BPTF: variants seen among roughly 807,000 people sequenced by gnomAD.
BPTF encodes nucleosome-remodeling factor subunit BPTF.
In BPTF, 18 loss-of-function variants were observed where a neutral mutation model predicts 292.5. The observed-to-expected ratio is 0.06, with a 90% confidence interval of 0.04 to 0.09. The LOEUF (loss-of-function observed/expected upper bound fraction) is 0.09, where lower values mean the gene tolerates loss of function less well. Ranked by LOEUF, BPTF falls within the 10% of genes least tolerant of loss-of-function variation. BPTF has a pLI of 1.00. For synonymous variants in BPTF, 1,225 were observed against 1,251.9 expected, an observed-to-expected ratio of 0.98 and a Z score of 0.45; for missense variants, 2,726 against 3,498.7, an observed-to-expected ratio of 0.78 and a Z score of 5.57.
intron 2 of BPTF, among the ~76,000 whole-genome samples, chr17:67,855,375 A>G (rs2058629739): frequency 6.6e-6 from 1 of 152,152 alleles, no homozygotes; most frequent in Admixed American, 6.5e-5. Flanking sequence ...GTTCCTCTAT[A>G]GCCTAGCTCA....
intron 3 of BPTF, among the ~76,000 whole-genome samples, chr17:67,870,725 CTT>C (rs1266378518): frequency 7.1e-6 from 1 of 141,250 alleles, no homozygotes; most frequent in Admixed American, 7.1e-5. Context: ...TGTCTGATGA[CTT>C]TGACTTGATG....
intron 1 of BPTF, among the ~76,000 whole-genome samples, chr17:67,832,962 T>A (rs1247989528): frequency 6.9e-6 from 1 of 144,058 alleles, no homozygotes; most frequent in Admixed American, 6.7e-5. Context: ...TAATTTTTTG[T>A]ATTTTTTTTT....
intron 2 of BPTF, among the ~76,000 whole-genome samples, chr17:67,864,748 T>G (rs2059295220): frequency 6.6e-6 from 1 of 152,064 alleles, no homozygotes; most frequent in Admixed American, 6.6e-5. Flanking sequence ...ATCAGAAGTA[T>G]TATGGGCTTT....
intron 2 of BPTF, among the ~76,000 whole-genome samples, chr17:67,856,493 A>G (rs2145080330): frequency 6.6e-6 from 1 of 151,794 alleles, no homozygotes; most frequent in South Asian, 2.1e-4. Flanking sequence ...TTAATTCTTA[A>G]TTTTCTGCTC....
intron 18 of BPTF, among the ~76,000 whole-genome samples, chr17:67,937,371 C>T (rs1441173635): frequency 1.4e-5 from 2 of 141,170 alleles, no homozygotes; most frequent in African/African-American, 6.1e-5. Context: ...GCAGGAGAAT[C>T]GGACTTTGTC....
intron 23 of BPTF, among the ~76,000 whole-genome samples, chr17:67,948,915 A>G (rs534318637): frequency 6.6e-6 from 1 of 152,352 alleles, no homozygotes; most frequent in East Asian, 1.9e-4. Context: ...TGGCAGGTTG[A>G]AGCTGCAGTC....
intron 1 of BPTF, among the ~76,000 whole-genome samples, chr17:67,851,717 T>G (rs905306237): frequency 6.6e-6 from 1 of 152,176 alleles, no homozygotes; most frequent in South Asian, 2.1e-4. Flanking sequence ...ACCTTAAACT[T>G]GACAATCCTG....
Position 67,840,285 on chromosome 17 carries a change from T to G in BPTF, c.614-13655T>G, listed in dbSNP as rs1257172733. ...ACAGTTGGCTAATTTTTTATTTTTA[T>G]TTGTAGAGATAGGGTTTCATTATGT... On this transcript the variant is annotated intron_variant, in intron 1 of 27. Transcript: ENST00000306378. 2.0e-5 allele frequency among the ~76,000 whole-genome samples: 3 copies of G among 151,950 alleles called. 1 individual carries two copies. The East Asian group carries it at 5.8e-4, about 29-fold the overall frequency.
At chr17:67,949,514 G>A (rs1555677228) in intron 23 of BPTF, among the ~76,000 whole-genome samples, 1 of 151,882 alleles carries the variant, frequency 6.6e-6, no homozygotes, top group East Asian at 1.9e-4. Flanking sequence ...GGCAGAGGTT[G>A]CAGTGAGCTG....
intron 4 of BPTF, among the ~76,000 whole-genome samples, chr17:67,884,410 C>T (rs2060619823): frequency 7.2e-6 from 1 of 138,682 alleles, no homozygotes; most frequent in Non-Finnish European, 1.5e-5. Flanking sequence ...GCCACTACCC[C>T]TGGCCCCTCC....
intron 4 of BPTF, among the ~76,000 whole-genome samples, chr17:67,884,320 G>A (rs1004886639): frequency 2.2e-4 from 34 of 151,682 alleles, no homozygotes; most frequent in Admixed American, 5.9e-4. Context: ...TGGCCAGGCT[G>A]CTCTCGAATG....
Position 67,982,327 on chromosome 17 carries a change from T to C in BPTF, c.*39T>C. ...AACCTAACATAAAACACAGCAAGAA[T>C]CTGGTTGTCTGAACTATTTTAAATT... On this transcript the variant is annotated 3_prime_UTR_variant, in exon 28 of 28. Transcript: ENST00000306378. The C allele has an allele frequency of 6.4e-7, 1 of 1,567,638 alleles. No individual in the cohort carries two copies. Among genetic ancestry groups the C allele is most frequent in the South Asian group, 1.1e-5 (1 of 89,084 alleles).
Position 67,912,635 on chromosome 17 carries a change from T to C in BPTF, c.4751T>C (p.Val1584Ala). ...AATGGAGAATCTAAAAGAAAAACCG[T>C]CATCACAGAAGTCACCACGATGACC... ...NVNGESKRKT[V>A]ITEVTTMTST... is the part of the protein sequence containing the mutation. The change falls in exon 11 of 28, where the codon GTC (valine) becomes GCC (alanine). Residue 1584 changes from valine to alanine, a missense_variant. Val to Ala is a moderately conservative substitution (Grantham distance 64). Around this residue, in one of 22 missense-constraint regions of BPTF, gnomAD observed 144 missense variants for 177.2 expected, o/e 0.81. Transcript: ENST00000306378. The C allele has an allele frequency of 1.2e-6, 2 of 1,612,990 alleles. No homozygotes were observed. The highest frequency in any genetic ancestry group is 1.1e-5 in the South Asian group (1 of 90,796).
In BPTF at chr17:67,966,523, T is replaced by C. The variant is rs1351617146; in HGVS notation, c.8455-49T>C. ...TAGTAACTCAACCAGGAAACTTAAA[T>C]GGAATTAGTGTTTTCACTGACAATA... On this transcript the variant is annotated intron_variant, in intron 25 of 27. Coordinates refer to ENST00000306378, the MANE Select transcript of BPTF (RefSeq NM_182641.4). 4 of 1,541,498 alleles carry C rather than the reference T, an allele frequency of 2.6e-6. No homozygotes were observed. The African/African-American group carries it at 4.1e-5, about 16-fold the overall frequency.
rs185836858 is a variant in BPTF, at chr17:67,926,439, C to T, written c.5751+1850C>T. ...TCCCGGGTTCACGCCATTCTCCTGCCTCAGCCTCCCGAGTAACTGTGACTA... is the reference window on the plus strand; with the variant it reads ...TCCCGGGTTCACGCCATTCTCCTGCTTCAGCCTCCCGAGTAACTGTGACTA... On this transcript the variant is annotated intron_variant, in intron 15 of 27. Transcript: ENST00000306378. Among the ~76,000 whole-genome samples, 22 of 150,598 alleles carry T rather than the reference C, an allele frequency of 1.5e-4. No individual in the cohort carries two copies. In the East Asian group the frequency reaches 3.5e-3, roughly 24 times the overall value.
At chr17:67,937,271 C>G (rs1249070100) in intron 18 of BPTF, among the ~76,000 whole-genome samples, 2 of 151,620 alleles carry the variant, frequency 1.3e-5, no homozygotes, top group Non-Finnish European at 2.9e-5. Context: ...GCCTGGCCAA[C>G]ATGGTGAAAC....
intron 3 of BPTF, among the ~76,000 whole-genome samples, chr17:67,867,329 G>C (rs2059448779): frequency 6.6e-6 from 1 of 151,782 alleles, no homozygotes; most frequent in Admixed American, 6.6e-5. Context: ...TGAACTTTTT[G>C]CCTTTTTAAA....
At chr17:67,853,908 G>T in intron 1 of BPTF, 32 bp from the exon 2 acceptor site, 1 of 1,535,384 alleles carries the variant, frequency 6.5e-7, no homozygotes, top group Non-Finnish European at 8.9e-7. Context: ...GTAATGTATT[G>T]ATTTGTAATG....
intron 27 of BPTF, among the ~76,000 whole-genome samples, chr17:67,977,253 G>A (rs1555694466): frequency 1.3e-5 from 2 of 152,094 alleles, no homozygotes; most frequent in African/African-American, 4.8e-5. Flanking sequence ...GGTGGCTCAC[G>A]CCTGTAATCC....
Sources: gnomAD v4.1 joint callset for allele counts (sites outside exome capture counted in the v4.1 genomes callset) on GRCh38, gnomAD v4.1.1 for gene constraint, gnomAD v4.1.1 regional missense constraint, MANE v1.5 for transcripts, NCBI Gene and HGNC (gene_info 2026-07-23, HGNC 2026-07-21) for gene names.